Variants in EGF observed in about 807,000 individuals in gnomAD.
The protein encoded by EGF is epidermal growth factor, also known as pro-epidermal growth factor.
Under a neutral mutation model 143.8 loss-of-function variants are expected in EGF, and 95 were observed. The ratio of observed to expected loss-of-function variants is 0.66; its 90% CI spans 0.56 to 0.78. The LOEUF (loss-of-function observed/expected upper bound fraction) is 0.78, where lower values mean the gene tolerates loss of function less well. Among genes scored for constraint, EGF ranks in the 30% least tolerant of loss-of-function variants. The pLI, the probability that EGF is intolerant of heterozygous loss-of-function variation, is 0.00. For missense variants in EGF, 1,320 were observed against 1,470.9 expected (o/e 0.90, Z 1.68); for synonymous variants, 510 against 510.5 (o/e 1.00, Z 0.01).
rs4141077 is a variant in EGF at position 109,962,185 on chromosome 4, T to G, written c.1312+200T>G. On this transcript the variant is annotated intron_variant, in intron 8 of 23. Transcript: ENST00000265171. ...CTTTTTTGTTTTTGTTTAGACAGCATAGCGTCTAACTTATGAGCAAGGGCT... is the reference window on the plus strand; with the variant it reads ...CTTTTTTGTTTTTGTTTAGACAGCAGAGCGTCTAACTTATGAGCAAGGGCT... 0.021 allele frequency among the ~76,000 whole-genome samples: 3,256 copies of G among 152,350 alleles called. 71 individuals carry two copies. Among genetic ancestry groups the G allele is most frequent in the South Asian group, 0.096 (465 of 4,824 alleles).
intron 18 of EGF, among the ~76,000 whole-genome samples, chr4:109,990,358 C>T (rs1176482509): frequency 6.6e-6 from 1 of 152,090 alleles, no homozygotes; most frequent in African/African-American, 2.4e-5. Context: ...AAGTTCAGAA[C>T]TGGGAGAAAT....
chr4:110,011,080 A>T, intron 23 of EGF, 122 bp from the exon 24 acceptor site: 1 of 1,195,222 alleles, frequency 8.4e-7, no homozygotes, highest in Non-Finnish European at 1.2e-6. Context: ...GAGTAGTTTG[A>T]AAATGGGTTA....
intron 20 of EGF, among the ~76,000 whole-genome samples, chr4:109,999,155 T>TA (rs1752220585): frequency 6.6e-6 from 1 of 150,486 alleles, no homozygotes; most frequent in South Asian, 2.1e-4. Flanking sequence ...TAGTAGTGAT[T>TA]TTTTTTTTTA....
At chr4:109,976,291 A>G (rs1748495292) in intron 13 of EGF, 56 bp downstream of exon 13, 3 of 1,436,342 alleles carry the variant, frequency 2.1e-6, no homozygotes, top group Non-Finnish European at 2.9e-6. Context: ...ATGAGTGTTA[A>G]ATACAAAATA....
intron 1 of EGF, among the ~76,000 whole-genome samples, chr4:109,940,006 T>A (rs906298055): frequency 2.6e-5 from 4 of 152,212 alleles, no homozygotes; most frequent in African/African-American, 9.6e-5. Flanking sequence ...TGACTTGATG[T>A]AACTAATTTC....
intron 1 of EGF, among the ~76,000 whole-genome samples, chr4:109,914,101 T>C (rs974499740): frequency 6.6e-6 from 1 of 152,188 alleles, no homozygotes; most frequent in Non-Finnish European, 1.5e-5. Flanking sequence ...TGTCCTCTCA[T>C]ATTAAATGAA....
chr4:109,947,652 C>T (rs1035331283), intron 5 of EGF, among the ~76,000 whole-genome samples: 1 of 152,236 alleles, frequency 6.6e-6, no homozygotes, highest in Non-Finnish European at 1.5e-5. Flanking sequence ...TCTTCACATA[C>T]AACTCATTGT....
Position 109,941,158 on chromosome 4 carries a change from T to A in EGF, c.327+13T>A, listed in dbSNP as rs1241790498. On this transcript the variant is annotated intron_variant, in intron 2 of 23. Coordinates refer to ENST00000265171, the MANE Select transcript of EGF (RefSeq NM_001963.6). ...GTCAAGGCAAGAGGTAAAATACCCT[T>A]ACCTACAGTGTTTGAGCTGTTTTTG... The A allele has an allele frequency of 1.2e-6, 2 of 1,612,776 alleles. No homozygotes were observed. The highest frequency in any genetic ancestry group is 1.1e-5 in the South Asian group (1 of 91,022).
chr4:109,926,370 T>C (rs35408481), intron 1 of EGF, among the ~76,000 whole-genome samples: 72 of 135,616 alleles, frequency 5.3e-4, no homozygotes, highest in Middle Eastern at 3.7e-3. Context: ...TTTTTTTTTT[T>C]CCGAGACGGA....
At chr4:109,987,947 G>A (rs933785558) in intron 17 of EGF, 87 bp downstream of exon 17, 77 of 1,050,546 alleles carry the variant, frequency 7.3e-5, no homozygotes, top group Middle Eastern at 6.1e-4. Context: ...AACTCCAGAA[G>A]GATTTATGTA....
At chr4:110,007,375 T>A (rs1275541467) in intron 22 of EGF, among the ~76,000 whole-genome samples, 1 of 152,150 alleles carries the variant, frequency 6.6e-6, no homozygotes, top group African/African-American at 2.4e-5. Flanking sequence ...CTTGCACTAG[T>A]TACTGATTGA....
chr4:109,977,690 T>C (rs1331674572), intron 13 of EGF, among the ~76,000 whole-genome samples: 1 of 151,598 alleles, frequency 6.6e-6, no homozygotes, highest in African/African-American at 2.4e-5. Context: ...ATACAAAAAT[T>C]AGCTGGGCAT....
chr4:109,993,507 C>A, intron 19 of EGF, 138 bp downstream of exon 19: 1 of 1,180,418 alleles, frequency 8.5e-7, no homozygotes, highest in Non-Finnish European at 1.2e-6. Flanking sequence ...CTGATTAGGA[C>A]GATGCTGGGC....
chr4:109,988,441 T>C, intron 17 of EGF, 143 bp from the exon 18 acceptor site: 1 of 1,200,326 alleles, frequency 8.3e-7, no homozygotes, highest in Non-Finnish European at 1.2e-6. Context: ...ATGTCCAAGA[T>C]GCAGGGCGTG....
chr4:109,946,428 CTT>C (rs1368065412), intron 5 of EGF, among the ~76,000 whole-genome samples: 1 of 152,150 alleles, frequency 6.6e-6, no homozygotes, highest in African/African-American at 2.4e-5. Flanking sequence ...TCCTTCATTC[CTT>C]TAGGGTTTTG....
At chr4:109,914,968 G>C (rs1043700052) in intron 1 of EGF, among the ~76,000 whole-genome samples, 27 of 152,206 alleles carry the variant, frequency 1.8e-4, no homozygotes, top group Non-Finnish European at 3.8e-4. Context: ...AGCTAGGAAA[G>C]AAGAACCCAG....
intron 11 of EGF, among the ~76,000 whole-genome samples, chr4:109,969,637 C>T (rs966612403): frequency 6.6e-6 from 1 of 151,942 alleles, no homozygotes; most frequent in African/African-American, 2.4e-5. Flanking sequence ...TTTGGTAGTT[C>T]AGGCTTTTGT....
chr4:109,994,617 T>G (rs911366205), intron 19 of EGF, 116 bp from the exon 20 acceptor site: 1 of 1,220,028 alleles, frequency 8.2e-7, no homozygotes, highest in African/African-American at 1.5e-5. Flanking sequence ...CTAGTAGTTC[T>G]TCTGTCACTA....
chr4:109,967,944 C>T (rs1746875022), intron 10 of EGF, among the ~76,000 whole-genome samples: 1 of 152,054 alleles, frequency 6.6e-6, no homozygotes, highest in African/African-American at 2.4e-5. Flanking sequence ...AGGGCACTTA[C>T]CATGAATGAA....
Sources: allele counts gnomAD v4.1 joint callset (sites outside exome capture counted in the v4.1 genomes callset), GRCh38; gene constraint gnomAD v4.1.1; transcripts MANE v1.5; gene names NCBI Gene and HGNC (gene_info 2026-07-23, HGNC 2026-07-21).